Variants in KCTD1 observed in about 807,000 individuals in gnomAD.
KCTD1 encodes the protein BTB/POZ domain-containing protein KCTD1.
Under a neutral mutation model 66.0 loss-of-function variants are expected in KCTD1, and 24 were observed. That is an observed-to-expected ratio of 0.36 (90% CI 0.26 to 0.51). The LOEUF is 0.51. Ranked by LOEUF, KCTD1 falls within the 20% of genes least tolerant of loss-of-function variation. The pLI, the probability that KCTD1 is intolerant of heterozygous loss-of-function variation, is 0.95. For synonymous variants in KCTD1, 511 were observed against 517.2 expected (o/e 0.99, Z 0.16); for missense variants, 943 against 1,205.2 (o/e 0.78, Z 3.22).
intron 1 of KCTD1, among the ~76,000 whole-genome samples, chr18:26,515,509 CTTTT>C (rs11389627): frequency 7.5e-6 from 1 of 133,122 alleles, no homozygotes. Context: ...CCTCTTTTTT[CTTTT>C]TTTTTTTTTT....
At chr18:26,504,617 C>G (rs2144692734) in intron 1 of KCTD1, among the ~76,000 whole-genome samples, 1 of 152,276 alleles carries the variant, frequency 6.6e-6, no homozygotes, top group South Asian at 2.1e-4. Context: ...AAGCAATCCT[C>G]CTGCTTCAGC....
chr18:26,511,973 A>G (rs1427123311), intron 1 of KCTD1, among the ~76,000 whole-genome samples: 1 of 152,190 alleles, frequency 6.6e-6, no homozygotes, highest in Non-Finnish European at 1.5e-5. Flanking sequence ...ATTTAGCAGG[A>G]CACATCGGCC....
chr18:26,479,328 A>G (rs1249907471), intron 2 of KCTD1, among the ~76,000 whole-genome samples: 5 of 151,936 alleles, frequency 3.3e-5, no homozygotes, highest in Admixed American at 2.0e-4. Flanking sequence ...TAGCCAGGGA[A>G]TTTTTCTTAT....
In KCTD1 at chr18:26,557,157, G is replaced by A. The variant is rs113855369; in HGVS notation, c.-15-55907C>T. Among the ~76,000 whole-genome samples the A allele has an allele frequency of 7.2e-5, 11 of 152,240 alleles. No individual in the cohort carries two copies. The East Asian group carries it at 1.3e-3, about 19-fold the overall frequency. ...CATGGTTATCTTAGTGCAATCTGCC[G>A]TAGAAAACACACAAACTTATTCTCT... On this transcript the variant is annotated intron_variant, in intron 1 of 4. Coordinates refer to the KCTD1 transcript ENST00000317932.
chr18:26,551,394 T>C (rs2046290708), upstream of KCTD1, among the ~76,000 whole-genome samples: 1 of 152,024 alleles, frequency 6.6e-6, no homozygotes, highest in Non-Finnish European at 1.5e-5. Flanking sequence ...CTTGGACAGT[T>C]TGCAAACAAC....
chr18:26,504,610 C>A (rs1982936544), intron 1 of KCTD1, among the ~76,000 whole-genome samples: 1 of 152,056 alleles, frequency 6.6e-6, no homozygotes, highest in African/African-American at 2.4e-5. Context: ...TGGCCTCAAG[C>A]AATCCTCCTG....
chr18:26,573,846 C>T (rs1986164301), intron 1 of KCTD1, among the ~76,000 whole-genome samples: 1 of 152,114 alleles, frequency 6.6e-6, no homozygotes, highest in Admixed American at 6.5e-5. Context: ...ATTTTTTCAC[C>T]TACAGACTGG....
rs778304867 is a variant in KCTD1, at chr18:26,501,265, G to A, written c.1810-15C>T. ...GGCCGACTGTCCTACAGAGAGATAA[G>A]CAAGTTTAGATACTTTTTCTCTTTA... is the stretch of plus-strand genomic sequence containing the variant. On this transcript the variant is annotated splice_polypyrimidine_tract_variant and intron_variant, in intron 1 of 4. Coordinates refer to ENST00000580059, the MANE Select transcript of KCTD1 (RefSeq NM_001142730.3). 2.5e-6 allele frequency: 4 copies of A among 1,608,122 alleles called. No homozygotes were observed. The highest frequency in any genetic ancestry group is 4.5e-5 in the East Asian group (2 of 44,760).
At chr18:26,575,708 G>A (rs1986209830) in intron 1 of KCTD1, 1 of 152,220 alleles carries the variant, frequency 6.6e-6, no homozygotes, top group South Asian at 2.1e-4. Flanking sequence ...ACATTATTTA[G>A]GTTGTGCTTT....
At chr18:26,457,167 A>G (rs1326174977) in intron 4 of KCTD1, 1 of 152,018 alleles carries the variant, frequency 6.6e-6, no homozygotes, top group Non-Finnish European at 1.5e-5. Flanking sequence ...TTAAAAAAAC[A>G]TACACAAGTC....
chr18:26,654,627 C>G, intron 1 of KCTD1, among the ~76,000 whole-genome samples: 1 of 152,176 alleles, frequency 6.6e-6, no homozygotes, highest in East Asian at 1.9e-4. Context: ...GTTTTGCATA[C>G]TGTGGTGGGA....
chr18:26,470,340 A>G (rs1042117965), intron 3 of KCTD1, among the ~76,000 whole-genome samples: 3 of 152,190 alleles, frequency 2.0e-5, no homozygotes, highest in African/African-American at 7.2e-5. Context: ...ATGAGCCACA[A>G]AGGGAAAGCC....
chr18:26,627,736 T>A (rs34538895), intron 1 of KCTD1, among the ~76,000 whole-genome samples: 1 of 152,246 alleles, frequency 6.6e-6, no homozygotes, highest in Non-Finnish European at 1.5e-5. Context: ...ATGCTGCATT[T>A]GAATTCTATG....
intron 1 of KCTD1, among the ~76,000 whole-genome samples, chr18:26,508,773 T>C (rs1187673918): frequency 1.3e-5 from 2 of 151,966 alleles, no homozygotes; most frequent in East Asian, 1.9e-4. Context: ...TATGGCATAC[T>C]TGGATATGGG....
chr18:26,575,067 C>A (rs972507230), intron 1 of KCTD1, among the ~76,000 whole-genome samples: 43 of 152,314 alleles, frequency 2.8e-4, no homozygotes, highest in African/African-American at 9.4e-4. Flanking sequence ...CATAAACCCA[C>A]AATTTCCTCT....
At position 26,455,487 on chromosome 18, in the gene KCTD1, T is replaced by C. The variant is rs1213954291; in HGVS notation, c.*256A>G. The C allele has an allele frequency of 4.8e-6, 1 of 210,404 alleles. No individual in the cohort carries two copies. The highest frequency in any genetic ancestry group is 9.0e-6 in the Non-Finnish European group (1 of 110,714). 13.0% of individuals were successfully genotyped at this position (210,404 alleles called of 1,614,324 possible). A position where few individuals can be genotyped will look rare whatever the true frequency, so the allele number is the denominator to read the frequency against. On this transcript the variant is annotated 3_prime_UTR_variant, in exon 5 of 5. Transcript: ENST00000580059. ...CAGCACCAACTGCGGCTGTCACCTT[T>C]TTTTTTTTTCTTTTTTGCATTTCCT...
chr18:26,609,666 T>C (rs1463410509), intron 1 of KCTD1, among the ~76,000 whole-genome samples: 1 of 152,378 alleles, frequency 6.6e-6, no homozygotes, highest in East Asian at 1.9e-4. Context: ...TTGACTCCAA[T>C]GCTAAGACTG....
chr18:26,548,261 C>T lies in KCTD1; in HGVS notation c.276G>A (p.Glu92=), dbSNP rs1985358040. The T allele has an allele frequency of 6.9e-7, 1 of 1,451,898 alleles. No homozygotes were observed. Among genetic ancestry groups the T allele is most frequent in the Non-Finnish European group, 9.1e-7 (1 of 1,104,016 alleles). The allele number at this position is 1,451,898 out of a possible 1,614,324, so 89.9% of individuals were successfully genotyped here. The stretch of plus-strand genomic sequence containing the variant: ...AGTCCAGCCCCATCTCCTCCTCTTC[C>T]TCCTCCTCCTCGTCCTCCTCCAGCC... ...GGGLEEDEEE[E]EEEEMGLDWD... Residue 92 remains glutamate (E), a synonymous_variant, in exon 1 of 5, where the codon GAG becomes GAA. Transcript: ENST00000580059.
intron 1 of KCTD1, among the ~76,000 whole-genome samples, chr18:26,621,193 C>A (rs1987376139): frequency 6.6e-6 from 1 of 152,116 alleles, no homozygotes; most frequent in Admixed American, 6.5e-5. Context: ...ATTTAGGGTA[C>A]ATGTTTATCT....
Sources: gnomAD v4.1 joint callset for allele counts (sites outside exome capture counted in the v4.1 genomes callset) on GRCh38, gnomAD v4.1.1 for gene constraint, MANE v1.5 for transcripts, NCBI Gene and HGNC (gene_info 2026-07-23, HGNC 2026-07-21) for gene names.